The following SLC49A3 variants were observed in gnomAD, a reference collection of about 807,000 sequenced individuals.
SLC49A3 encodes solute carrier family 49 member 3.
SLC49A3 carries 50 observed loss-of-function variants against 43.8 expected under a neutral mutation model. The observed-to-expected ratio is 1.14, with a 90% CI of 0.91 to 1.45. The LOEUF (loss-of-function observed/expected upper bound fraction) is 1.45. Ranked by LOEUF, SLC49A3 falls within the 40% of genes most tolerant of loss-of-function variation. The probability of loss-of-function intolerance (pLI) is 0.00; values close to 1 mark genes in which losing one functional copy is unlikely to be tolerated. For synonymous variants in SLC49A3, 413 were observed against 352.0 expected, an observed-to-expected ratio of 1.17 and a Z score of -1.94; for missense variants, 906 against 774.1, an observed-to-expected ratio of 1.17 and a Z score of -2.02.
At chr4:683,493 G>A in intron 7 of SLC49A3, 116 bp downstream of exon 7, 1 of 1,497,966 alleles carries the variant, frequency 6.7e-7, no homozygotes, top group Admixed American at 2.2e-5. Context: ...CTGGCTGGCA[G>A]AGGCTGGGCA....
At chr4:681,620 GCCC>G (rs1331807316), downstream of SLC49A3, among the ~76,000 whole-genome samples, 1 of 29,118 alleles carries the variant, frequency 3.4e-5, no homozygotes, top group Non-Finnish European at 6.8e-5. Context: ...CTCCAGCGCC[GCCC>G]CGCCCCCTCC....
chr4:681,186 G>A, downstream of SLC49A3: 5 of 1,576,898 alleles, frequency 3.2e-6, no homozygotes, highest in East Asian at 2.3e-5. Flanking sequence ...GGAGGGCGGG[G>A]CTCCCGGGGT....
downstream of SLC49A3, chr4:681,149 C>T (rs1176927368): frequency 2.5e-6 from 4 of 1,602,130 alleles, no homozygotes; most frequent in South Asian, 2.2e-5. Context: ...AGGTCTGGCC[C>T]GCGGCTTCCC....
rs752004881 is a variant in SLC49A3 at position 686,249 on chromosome 4, G to C, written c.348C>G (p.Pro116=). ...NFAGSVLRMV[P]CMVVGTQNPF... The stretch of plus-strand genomic sequence containing the variant: ...GGTTTTGGGTCCCAACAACCATGCA[G>C]GGCACCATGCGTAGCACACTCCCGG... The change falls in exon 3 of 10, where the codon CCC becomes CCG. Residue 116 remains proline (P), a synonymous_variant. Transcript: ENST00000322224. 1.9e-6 allele frequency: 3 copies of C among 1,613,436 alleles called. No homozygotes were observed. The African/African-American group carries it at 4.0e-5, about 22-fold the overall frequency.
downstream of SLC49A3, among the ~76,000 whole-genome samples, chr4:679,607 G>A (rs537573164): frequency 4.4e-4 from 67 of 152,258 alleles, no homozygotes; most frequent in African/African-American, 1.5e-3. Flanking sequence ...TGGGAGGGTC[G>A]CAAGTGACCC....
rs201100524 is a variant in SLC49A3, at chr4:684,800, C to T, written c.642G>A (p.Leu214=). ...GVVCLLSTIC[L]WESVPPTPPS... ...GCGGGGTGGGGGGCACACTCTCCCA[C>T]AGGCAGATGGTGGACAGCAGGCAGA... The change falls in exon 5 of 10, where the codon CTG becomes CTA. Residue 214 remains leucine (L), a synonymous_variant. Coordinates refer to ENST00000322224, the MANE Select transcript of SLC49A3 (RefSeq NM_032219.4). 6.2e-7 allele frequency: 1 copy of T among 1,612,476 alleles called. No individual in the cohort carries two copies. Among genetic ancestry groups the T allele is most frequent in the Non-Finnish European group, 8.5e-7 (1 of 1,179,926 alleles).
At chr4:681,200 C>T (rs1739454105), downstream of SLC49A3, 1 of 1,560,196 alleles carries the variant, frequency 6.4e-7, no homozygotes, top group Non-Finnish European at 8.7e-7. Context: ...CCGGGGTCAG[C>T]TGGGTGGAGG....
chr4:684,334 G>C (rs914132008), intron 6 of SLC49A3, 149 bp downstream of exon 6: 24 of 1,073,436 alleles, frequency 2.2e-5, no homozygotes, highest in Non-Finnish European at 2.8e-5. Flanking sequence ...ATGTCACACA[G>C]GGCATCTCGG....
chr4:688,035 C>G (rs1359892864), intron 1 of SLC49A3: 1 of 152,254 alleles, frequency 6.6e-6, no homozygotes, highest in Non-Finnish European at 1.5e-5. Flanking sequence ...AGGCCCTTGA[C>G]TGTCCAAGGA....
rs1021137116 is a variant in SLC49A3 at position 689,011 on chromosome 4, G to C, written c.117C>G (p.Leu39=). 2.5e-6 allele frequency: 4 copies of C among 1,596,248 alleles called. No individual in the cohort carries two copies. The highest frequency in any genetic ancestry group is 3.4e-6 in the Non-Finnish European group (4 of 1,173,314). The part of the protein sequence containing the change: ...RWVFLLAISL[L]NCSNATLWLS... ...CCCCTACCGTGGCGTTGGAGCAGTT[G>C]AGCAGGCTGATCGCGAGCAGGAACA... The change falls in exon 1 of 10, where the codon CTC becomes CTG. Residue 39 remains leucine (L), a synonymous_variant. Coordinates refer to ENST00000322224, the MANE Select transcript of SLC49A3 (RefSeq NM_032219.4).
At chr4:679,119 G>C, downstream of SLC49A3, 1 of 1,321,520 alleles carries the variant, frequency 7.6e-7, no homozygotes, top group Non-Finnish European at 1.1e-6. Flanking sequence ...GCCCCTCCTC[G>C]AATGGAGCCA....
At chr4:686,845 G>A (rs1023136341) in intron 1 of SLC49A3, among the ~76,000 whole-genome samples, 155 bp from the exon 2 acceptor site, 7 of 152,174 alleles carry the variant, frequency 4.6e-5, no homozygotes, top group African/African-American at 1.4e-4. Flanking sequence ...CAAGGAGAGC[G>A]CCACCCTGCC....
At chr4:680,523 G>A (rs749460827), downstream of SLC49A3, 96 of 1,613,374 alleles carry the variant, frequency 6.0e-5, no homozygotes, top group Non-Finnish European at 2.0e-5. Context: ...CGACGCCGAG[G>A]AGACCATTCT....
downstream of SLC49A3, chr4:677,911 T>C: frequency 1.3e-6 from 2 of 1,574,350 alleles, no homozygotes; most frequent in Non-Finnish European, 8.7e-7. Flanking sequence ...GCCCCAAGCC[T>C]GTCCTTGTAG....
In SLC49A3 at chr4:685,907, G is replaced by T. The variant is rs767733181; in HGVS notation, c.513C>A (p.Asn171Lys). 1 of 1,613,982 alleles carries T rather than the reference G, an allele frequency of 6.2e-7. No individual in the cohort carries two copies. The highest frequency in any genetic ancestry group is 1.1e-5 in the South Asian group (1 of 91,084). Reference sequence around the variant, plus strand: ...CATTGGCCACAAGGACGCCCAGAGGGTTCGCTGGGTGGGCGGATGCACAAA... The same window carrying T: ...CATTGGCCACAAGGACGCCCAGAGGTTTCGCTGGGTGGGCGGATGCACAAA... ...ATANMLATMS[N>K]PLGVLVANVL... Residue 171 changes from asparagine to lysine, a missense_variant, in exon 4 of 10, where the codon AAC (asparagine) becomes AAA (lysine). Physicochemically the swap from Asn to Lys is moderately conservative, Grantham distance 94. Coordinates refer to ENST00000322224, the MANE Select transcript of SLC49A3 (RefSeq NM_032219.4). The surrounding 1 kb of genome is among the most constrained non-coding windows in gnomAD (Gnocchi z 4.3).
chr4:688,304 G>A (rs1448863478), intron 1 of SLC49A3, among the ~76,000 whole-genome samples: 1 of 152,142 alleles, frequency 6.6e-6, no homozygotes, highest in Non-Finnish European at 1.5e-5. Flanking sequence ...GAGGGGAGAG[G>A]CCCCGGGGTC....
chr4:678,050 G>GC (rs1739023843), downstream of SLC49A3: 1 of 1,612,958 alleles, frequency 6.2e-7, no homozygotes, highest in Non-Finnish European at 8.5e-7. Flanking sequence ...CGCCGTGCAT[G>GC]CCTGGGGCAG....
At position 686,197 on chromosome 4, in the gene SLC49A3, T is replaced by C. The variant is rs1170569874; in HGVS notation, c.400A>G (p.Ser134Gly). 3 of 1,613,536 alleles carry C rather than the reference T, an allele frequency of 1.9e-6. No homozygotes were observed. The highest frequency in any genetic ancestry group is 2.5e-6 in the Non-Finnish European group (3 of 1,180,012). The change falls in exon 3 of 10, where the codon AGC becomes GGC. Residue 134 changes from serine to glycine, a missense_variant. Transcript: ENST00000322224. ...AGGCTCTGGGCAAGGGCACAGAGGC[T>C]CTGGCCACCCATGAGGAAGGCAAAT... Reference protein sequence around the residue: ...NPFAFLMGGQSLCALAQSLVI... With the variant: ...NPFAFLMGGQGLCALAQSLVI...
At chr4:686,797 G>T (rs946507210) in intron 1 of SLC49A3, 107 bp from the exon 2 acceptor site, 9 of 1,399,010 alleles carry the variant, frequency 6.4e-6, no homozygotes, top group Non-Finnish European at 6.8e-6. Context: ...CCGTGAGGCC[G>T]AGGGGACACA....
Sources: gnomAD v4.1 joint callset for allele counts (sites outside exome capture counted in the v4.1 genomes callset) on GRCh38, gnomAD v4.1.1 for gene constraint, Gnocchi (gnomAD v3.1) non-coding constraint, MANE v1.5 for transcripts, NCBI Gene and HGNC (gene_info 2026-07-23, HGNC 2026-07-21) for gene names.